UBE2D2: variants seen among roughly 807,000 people sequenced by gnomAD.
UBE2D2 encodes the protein ubiquitin conjugating enzyme E2 D2, also known as ubiquitin-conjugating enzyme E2 D2.
Under a neutral mutation model 24.2 loss-of-function variants are expected in UBE2D2, and 2 were observed. The observed-to-expected ratio is 0.08, with a 90% CI of 0.03 to 0.26. The LOEUF (loss-of-function observed/expected upper bound fraction) is 0.26, where lower values mean the gene tolerates loss of function less well. UBE2D2 is among the 10% of genes least tolerant of loss of function. The probability of loss-of-function intolerance (pLI) is 1.00; values close to 1 mark genes in which losing one functional copy is unlikely to be tolerated. For synonymous variants in UBE2D2, 58 were observed against 56.5 expected (o/e 1.03, Z -0.12); for missense variants, 44 against 177.6 (o/e 0.25, Z 4.28).
At chr5:139,589,530 CAGTG>C (rs1312961865) in intron 1 of UBE2D2, among the ~76,000 whole-genome samples, 1 of 152,032 alleles carries the variant, frequency 6.6e-6, no homozygotes, top group Non-Finnish European at 1.5e-5. Flanking sequence ...GCCTGTGCGA[CAGTG>C]AGACCCTGTC....
intron 1 of UBE2D2, among the ~76,000 whole-genome samples, chr5:139,539,893 G>A (rs373712682): frequency 4.6e-5 from 7 of 151,588 alleles, no homozygotes; most frequent in South Asian, 2.1e-4. Flanking sequence ...CACTGTGCCC[G>A]GACAATATCC....
At chr5:139,552,316 C>A (rs1752929768) in intron 1 of UBE2D2, among the ~76,000 whole-genome samples, 1 of 152,146 alleles carries the variant, frequency 6.6e-6, no homozygotes, top group African/African-American at 2.4e-5. Context: ...GTGTGCACCA[C>A]CACGCCTGGC....
intron 1 of UBE2D2, chr5:139,554,981 A>C (rs1187520262): frequency 1.3e-5 from 2 of 152,328 alleles, no homozygotes; most frequent in African/African-American, 4.8e-5. Flanking sequence ...AGTTGTAAAC[A>C]TCACATCATT....
intron 1 of UBE2D2, among the ~76,000 whole-genome samples, chr5:139,567,094 A>C (rs1420599463): frequency 1.3e-5 from 2 of 151,984 alleles, no homozygotes; most frequent in Non-Finnish European, 2.9e-5. Flanking sequence ...ATGTAAGATT[A>C]AGTTTTCTTG....
At chr5:139,567,602 C>T (rs1753258417) in intron 1 of UBE2D2, among the ~76,000 whole-genome samples, 2 of 144,646 alleles carry the variant, frequency 1.4e-5, no homozygotes, top group South Asian at 2.2e-4. Flanking sequence ...GGCACAATCT[C>T]GGCTCACTGC....
intron 1 of UBE2D2, among the ~76,000 whole-genome samples, chr5:139,587,522 T>TA (rs1206001887): frequency 2.0e-5 from 3 of 150,638 alleles, no homozygotes; most frequent in Non-Finnish European, 3.0e-5. Flanking sequence ...CTACTAAAAA[T>TA]AAAAAAAATA....
chr5:139,593,767 A>G (rs910456962), intron 1 of UBE2D2, among the ~76,000 whole-genome samples: 14 of 151,888 alleles, frequency 9.2e-5, no homozygotes, highest in Non-Finnish European at 2.9e-5. Flanking sequence ...TCTCTCCACC[A>G]TGCTGGGCTA....
intron 1 of UBE2D2, among the ~76,000 whole-genome samples, chr5:139,566,031 C>CTT (rs397882200): frequency 6.5e-4 from 90 of 139,344 alleles, no homozygotes; most frequent in African/African-American, 2.3e-3. Context: ...TTTTTTCTTT[C>CTT]TTTTTTTTTT....
intron 1 of UBE2D2, among the ~76,000 whole-genome samples, chr5:139,547,579 G>A (rs1752850422): frequency 6.6e-6 from 1 of 151,614 alleles, no homozygotes; most frequent in African/African-American, 2.4e-5. Flanking sequence ...ACATGATCTC[G>A]GCTCACTGCA....
intron 1 of UBE2D2, among the ~76,000 whole-genome samples, chr5:139,541,599 CAAAAA>C (rs892398676): frequency 1.7e-5 from 1 of 58,434 alleles, no homozygotes; most frequent in Non-Finnish European, 3.2e-5. Context: ...GACTCCATTT[CAAAAA>C]AAAAAAAAAA....
At chr5:139,569,612 T>C (rs1339986516) in intron 1 of UBE2D2, among the ~76,000 whole-genome samples, 1 of 152,148 alleles carries the variant, frequency 6.6e-6, no homozygotes, top group Non-Finnish European at 1.5e-5. Context: ...AACTATAATA[T>C]AGGGAAATAA....
chr5:139,597,306 G>A (rs530499517), intron 1 of UBE2D2, among the ~76,000 whole-genome samples: 3 of 152,274 alleles, frequency 2.0e-5, no homozygotes, highest in African/African-American at 7.2e-5. Context: ...TCATATAAAT[G>A]GAATCATACA....
chr5:139,546,435 G>A (rs562397445), intron 1 of UBE2D2, among the ~76,000 whole-genome samples: 1 of 151,830 alleles, frequency 6.6e-6, no homozygotes, highest in South Asian at 2.1e-4. Flanking sequence ...CACTTGCCTC[G>A]GCCTCCCAAA....
rs749903072 is a variant in UBE2D2 at position 139,600,303 on chromosome 5, A to G, written c.25-69A>G. On this transcript the variant is annotated intron_variant, in intron 1 of 6. Transcript: ENST00000398733. ...CAGGACAGAGAATATTGGTAACAAT[A>G]TAAACTTTAGTAATGGATAAAAGGT... is the stretch of plus-strand genomic sequence containing the variant. 10 of 1,525,474 alleles carry G rather than the reference A, an allele frequency of 6.6e-6. No homozygotes were observed. The South Asian group carries it at 1.0e-4, about 16-fold the overall frequency. The allele number at this position is 1,525,474 out of a possible 1,614,324, so 94.5% of individuals were successfully genotyped here.
intron 1 of UBE2D2, among the ~76,000 whole-genome samples, chr5:139,539,032 T>C (rs990904666): frequency 5.9e-5 from 9 of 152,058 alleles, no homozygotes; most frequent in African/African-American, 2.2e-4. Context: ...AAAGTCAATC[T>C]CTTTTTTTTT....
chr5:139,583,761 C>G (rs1420275114), intron 1 of UBE2D2, among the ~76,000 whole-genome samples: 1 of 151,674 alleles, frequency 6.6e-6, no homozygotes, highest in Non-Finnish European at 1.5e-5. Flanking sequence ...GACTCCATCT[C>G]GAAAGAAAAA....
At chr5:139,592,916 C>CT in intron 1 of UBE2D2, among the ~76,000 whole-genome samples, 1 of 145,434 alleles carries the variant, frequency 6.9e-6, no homozygotes, top group African/African-American at 2.7e-5. Flanking sequence ...TTTCAGTAAT[C>CT]TTAAAAGAGT....
upstream of UBE2D2, among the ~76,000 whole-genome samples, chr5:139,556,216 A>G (rs1186343578): frequency 6.6e-6 from 1 of 151,832 alleles, no homozygotes; most frequent in East Asian, 1.9e-4. Flanking sequence ...AGCCAGGGCA[A>G]CAAGGGCAAA....
intron 2 of UBE2D2, among the ~76,000 whole-genome samples, chr5:139,610,711 G>A (rs1342317527): frequency 6.6e-6 from 1 of 151,844 alleles, no homozygotes; most frequent in Non-Finnish European, 1.5e-5. Flanking sequence ...CGTCTCTACA[G>A]AAAATAGAAA....
Sources: gnomAD v4.1 joint callset for allele counts (sites outside exome capture counted in the v4.1 genomes callset) on GRCh38, gnomAD v4.1.1 for gene constraint, MANE v1.5 for transcripts, NCBI Gene and HGNC (gene_info 2026-07-23, HGNC 2026-07-21) for gene names.